MSRB3: variants seen among roughly 807,000 people sequenced by gnomAD.
MSRB3 encodes the protein methionine-R-sulfoxide reductase B3.
A neutral mutation model predicts 21.0 loss-of-function variants in MSRB3; 13 were observed. The observed-to-expected ratio is 0.62, with a 90% confidence interval of 0.40 to 0.98. The LOEUF is 0.98. MSRB3 is among the 50% of genes least tolerant of loss of function. MSRB3 has a pLI of 0.00. For synonymous variants in MSRB3, 87 were observed against 88.6 expected (o/e 0.98, Z 0.10); for missense variants, 199 against 230.3 (o/e 0.86, Z 0.88).
intron 4 of MSRB3, among the ~76,000 whole-genome samples, chr12:65,346,176 G>A (rs1374037937): frequency 6.6e-6 from 1 of 152,136 alleles, no homozygotes; most frequent in Non-Finnish European, 1.5e-5. Context: ...TTCCACAATG[G>A]TTGAACTAGT....
chr12:65,338,165 A>C (rs1288687903), intron 4 of MSRB3, among the ~76,000 whole-genome samples: 1 of 152,206 alleles, frequency 6.6e-6, no homozygotes, highest in African/African-American at 2.4e-5. Flanking sequence ...CATAATTATT[A>C]ATTCCCTGCC....
In MSRB3 at chr12:65,440,467, A is replaced by T. The variant is rs1345473809; in HGVS notation, c.293-13261A>T. On this transcript the variant is annotated intron_variant, in intron 5 of 6. Coordinates refer to ENST00000308259, the MANE Select transcript of MSRB3 (RefSeq NM_001031679.3). ...AATTAAGAAAATTAAGAAGAAAACAATTTCTTCTTAATTGTGTGAAACAGC... is the reference window on the plus strand; with the variant it reads ...AATTAAGAAAATTAAGAAGAAAACATTTTCTTCTTAATTGTGTGAAACAGC... Among the ~76,000 whole-genome samples, 3 of 152,030 alleles carry T rather than the reference A, an allele frequency of 2.0e-5. No homozygotes were observed. In the South Asian group the frequency reaches 6.2e-4, roughly 32 times the overall value.
chr12:65,377,987 G>A lies in MSRB3; in HGVS notation c.292+8961G>A, dbSNP rs116201128. ...TACATCATACTTGGAGGAGATCCAC[G>A]CAGGAGAGCCATTCATCCTAGAATA... On this transcript the variant is annotated intron_variant, in intron 5 of 6. Coordinates refer to ENST00000308259, the MANE Select transcript of MSRB3 (RefSeq NM_001031679.3). 3.4e-3 allele frequency among the ~76,000 whole-genome samples: 521 copies of A among 152,290 alleles called. 1 individual carries two copies. The highest frequency in any genetic ancestry group is 0.011 in the African/African-American group (477 of 41,556).
intron 5 of MSRB3, among the ~76,000 whole-genome samples, chr12:65,448,064 G>T (rs909549374): frequency 6.6e-6 from 1 of 152,128 alleles, no homozygotes; most frequent in African/African-American, 2.4e-5. Context: ...CACAAATAAT[G>T]TTTATTAGTT....
intron 2 of MSRB3, among the ~76,000 whole-genome samples, chr12:65,317,668 G>T (rs1352189251): frequency 6.6e-6 from 1 of 152,174 alleles, no homozygotes; most frequent in Non-Finnish European, 1.5e-5. Context: ...TATAATAAAA[G>T]AGTTGAATGT....
At position 65,398,558 on chromosome 12, in the gene MSRB3, G is replaced by T. The variant is rs149790217; in HGVS notation, c.292+29532G>T. Reference sequence around the variant, plus strand: ...AAAATTTTCTCCCATTCTGTAGGTTGCCTGTTCACTCTGATGATGGTTTCT... The same window carrying T: ...AAAATTTTCTCCCATTCTGTAGGTTTCCTGTTCACTCTGATGATGGTTTCT... On this transcript the variant is annotated intron_variant, in intron 5 of 6. Coordinates refer to ENST00000308259, the MANE Select transcript of MSRB3 (RefSeq NM_001031679.3). Among the ~76,000 whole-genome samples the T allele has an allele frequency of 3.0e-3, 461 of 152,192 alleles. 1 individual carries two copies. Among genetic ancestry groups the T allele is most frequent in the African/African-American group, 0.011 (445 of 41,524 alleles).
chr12:65,375,868 T>G (rs1157954377), intron 5 of MSRB3, among the ~76,000 whole-genome samples: 1 of 152,058 alleles, frequency 6.6e-6, no homozygotes, highest in Non-Finnish European at 1.5e-5. Flanking sequence ...TTTTATTGTT[T>G]GGTAGTCAAA....
intron 5 of MSRB3, among the ~76,000 whole-genome samples, chr12:65,369,911 T>C (rs1878224815): frequency 6.6e-6 from 1 of 152,200 alleles, no homozygotes; most frequent in Non-Finnish European, 1.5e-5. Context: ...TTTTACTTAT[T>C]ATATTCACAA....
chr12:65,345,694 T>A (rs993135202), intron 4 of MSRB3, among the ~76,000 whole-genome samples: 1 of 152,132 alleles, frequency 6.6e-6, no homozygotes, highest in Non-Finnish European at 1.5e-5. Flanking sequence ...ACTCATCATT[T>A]AACATTAGGT....
chr12:65,419,908 C>T (rs1421306409), intron 5 of MSRB3: 6 of 580,964 alleles, frequency 1.0e-5, no homozygotes, highest in Middle Eastern at 4.6e-4. Context: ...CCCCCAGTGC[C>T]TGCATAGACG....
intron 5 of MSRB3, among the ~76,000 whole-genome samples, chr12:65,424,854 G>A (rs1374383480): frequency 6.7e-6 from 1 of 148,908 alleles, no homozygotes; most frequent in Non-Finnish European, 1.5e-5. Flanking sequence ...CAAGTCCGGT[G>A]TTTCCTTATT....
At chr12:65,330,837 T>C (rs1053438697) in intron 4 of MSRB3, among the ~76,000 whole-genome samples, 1 of 152,206 alleles carries the variant, frequency 6.6e-6, no homozygotes, top group African/African-American at 2.4e-5. Context: ...TGCCTGCTTG[T>C]CTGTCTCTCC....
At chr12:65,368,454 G>C (rs1190752755) in intron 4 of MSRB3, among the ~76,000 whole-genome samples, 4 of 152,176 alleles carry the variant, frequency 2.6e-5, no homozygotes, top group Non-Finnish European at 2.9e-5. Context: ...GCCGAACTGA[G>C]AGCTTCAAAG....
intron 5 of MSRB3, among the ~76,000 whole-genome samples, chr12:65,382,965 AT>A (rs985263476): frequency 1.3e-4 from 20 of 152,056 alleles, no homozygotes; most frequent in African/African-American, 2.9e-4. Flanking sequence ...ATGAAATATG[AT>A]TTTTTTCCAA....
At chr12:65,316,066 A>G (rs891824063) in intron 2 of MSRB3, 2 of 152,272 alleles carry the variant, frequency 1.3e-5, no homozygotes, top group East Asian at 3.9e-4. Context: ...GCTTCTCATC[A>G]TATTATTGGT....
chr12:65,462,954 A>G (rs191039070), intron 6 of MSRB3, among the ~76,000 whole-genome samples: 1 of 152,344 alleles, frequency 6.6e-6, no homozygotes, highest in Admixed American at 6.5e-5. Context: ...GCACAATTCT[A>G]GTGTTTTTTG....
intron 5 of MSRB3, among the ~76,000 whole-genome samples, chr12:65,376,275 G>A (rs979896554): frequency 6.6e-6 from 1 of 151,792 alleles, no homozygotes; most frequent in Non-Finnish European, 1.5e-5. Context: ...GCCCACCACT[G>A]CGCCCGGCTA....
intron 5 of MSRB3, among the ~76,000 whole-genome samples, chr12:65,447,253 ACC>A (rs1565896367): frequency 6.6e-6 from 1 of 152,152 alleles, no homozygotes; most frequent in East Asian, 1.9e-4. Context: ...AGGATAACTG[ACC>A]TTGGCCTCCA....
rs1453473313 is a variant in MSRB3 at position 65,427,198 on chromosome 12, CCTT to C, written c.293-26526_293-26524del. The stretch of plus-strand genomic sequence containing the variant: ...ATGGGCTAGCTTTGCTGTGGAAAGT[CCTT>C]CTTTTATTGGGGGCTTCCAGGGAAC... On this transcript the variant is annotated intron_variant, in intron 5 of 6. Coordinates refer to ENST00000308259, the MANE Select transcript of MSRB3 (RefSeq NM_001031679.3). Among the ~76,000 whole-genome samples, 16 of 152,046 alleles carry C rather than the reference CCTT, an allele frequency of 1.1e-4. No homozygotes were observed. In the East Asian group the frequency reaches 3.1e-3, roughly 29 times the overall value.
Sources: gnomAD v4.1 joint callset for allele counts (sites outside exome capture counted in the v4.1 genomes callset) on GRCh38, gnomAD v4.1.1 for gene constraint, MANE v1.5 for transcripts, NCBI Gene and HGNC (gene_info 2026-07-23, HGNC 2026-07-21) for gene names.